DPYD: variants seen among roughly 807,000 people sequenced by gnomAD.
DPYD encodes dihydropyrimidine dehydrogenase [NADP(+)].
Under a neutral mutation model 116.2 loss-of-function variants are expected in DPYD, and 109 were observed. The ratio of observed to expected loss-of-function variants is 0.94; its 90% CI spans 0.80 to 1.10. The LOEUF is 1.10. DPYD is among the 50% of genes least tolerant of loss of function. The pLI, the probability that DPYD is intolerant of heterozygous loss-of-function variation, is 0.00. For missense variants in DPYD, 1,302 were observed against 1,254.5 expected (o/e 1.04, Z -0.57); for synonymous variants, 440 against 432.0 (o/e 1.02, Z -0.23).
intron 14 of DPYD, among the ~76,000 whole-genome samples, chr1:97,445,832 TCTC>T (rs1179343791): frequency 1.3e-5 from 2 of 151,922 alleles, no homozygotes; most frequent in Non-Finnish European, 2.9e-5. Context: ...TTCAAGCAGT[TCTC>T]CTGCCTCAGC....
chr1:97,446,424 G>C (rs1478925988), intron 14 of DPYD, among the ~76,000 whole-genome samples: 2 of 152,140 alleles, frequency 1.3e-5, no homozygotes, highest in African/African-American at 2.4e-5. Flanking sequence ...GCACCTTCAG[G>C]AGTGCTGATG....
chr1:97,459,493 TA>T, intron 13 of DPYD, among the ~76,000 whole-genome samples: 1 of 152,062 alleles, frequency 6.6e-6, no homozygotes, highest in South Asian at 2.1e-4. Context: ...TACATTGTAG[TA>T]TACAAGAAAG....
chr1:97,780,989 A>C (rs1666710340), intron 3 of DPYD, among the ~76,000 whole-genome samples: 1 of 152,224 alleles, frequency 6.6e-6, no homozygotes, highest in Non-Finnish European at 1.5e-5. Flanking sequence ...TTATTCTAGA[A>C]GCTTCATAAT....
chr1:97,595,203 G>A (rs1241121361), intron 8 of DPYD, 37 bp from the exon 9 acceptor site: 6 of 1,539,072 alleles, frequency 3.9e-6, no homozygotes, highest in Non-Finnish European at 4.5e-6. Flanking sequence ...ATTAGCAGGA[G>A]GAGGGGCTTT....
intron 11 of DPYD, among the ~76,000 whole-genome samples, chr1:97,558,906 G>T (rs1352628897): frequency 6.6e-6 from 1 of 152,124 alleles, no homozygotes; most frequent in East Asian, 1.9e-4. Context: ...TCCTCCAGGA[G>T]GTCAGTGTCC....
intron 13 of DPYD, among the ~76,000 whole-genome samples, chr1:97,489,954 T>C (rs1415091146): frequency 6.6e-6 from 1 of 152,144 alleles, no homozygotes; most frequent in Non-Finnish European, 1.5e-5. Context: ...CACTAGAGGC[T>C]AAGAAATGTA....
chr1:97,281,456 G>A (rs1665319074), intron 18 of DPYD, among the ~76,000 whole-genome samples: 1 of 151,784 alleles, frequency 6.6e-6, no homozygotes, highest in Non-Finnish European at 1.5e-5. Context: ...TCAAAGAGCA[G>A]ATAACAGATG....
chr1:97,390,969 G>A (rs577387262), intron 14 of DPYD, among the ~76,000 whole-genome samples: 7 of 151,042 alleles, frequency 4.6e-5, no homozygotes, highest in African/African-American at 1.7e-4. Flanking sequence ...ACTCTCTTCA[G>A]CATTTAAGAC....
intron 2 of DPYD, among the ~76,000 whole-genome samples, chr1:97,868,901 T>C (rs1400054108): frequency 1.3e-5 from 2 of 151,814 alleles, no homozygotes; most frequent in East Asian, 1.9e-4. Flanking sequence ...ATGATTTACA[T>C]AGTTTAAGCC....
At chr1:97,530,204 C>A (rs1045785081) in intron 12 of DPYD, among the ~76,000 whole-genome samples, 3 of 135,936 alleles carry the variant, frequency 2.2e-5, no homozygotes, top group East Asian at 2.2e-4. Flanking sequence ...ATCAGAATTT[C>A]TTTTTTTTTC....
chr1:97,126,501 C>G (rs1652849357), intron 20 of DPYD, among the ~76,000 whole-genome samples: 1 of 152,034 alleles, frequency 6.6e-6, no homozygotes, highest in Admixed American at 6.6e-5. Context: ...CATGCTGGGT[C>G]TCATATACCC....
intron 1 of DPYD, among the ~76,000 whole-genome samples, chr1:97,898,784 CAT>C (rs1673210382): frequency 6.6e-6 from 1 of 151,894 alleles, no homozygotes; most frequent in African/African-American, 2.4e-5. Context: ...GAATACGTCT[CAT>C]GAGATCTGAT....
intron 2 of DPYD, among the ~76,000 whole-genome samples, chr1:97,880,367 T>C (rs1428210992): frequency 2.6e-5 from 4 of 151,950 alleles, no homozygotes; most frequent in Non-Finnish European, 4.4e-5. Flanking sequence ...CTTGGGTCTT[T>C]ATGAATTGAA....
chr1:97,795,106 G>A (rs1257954194), intron 3 of DPYD, among the ~76,000 whole-genome samples: 2 of 151,958 alleles, frequency 1.3e-5, no homozygotes, highest in Admixed American at 6.6e-5. Flanking sequence ...CTTAACTAAT[G>A]GGATGAGCAC....
chr1:97,517,807 G>A (rs1377489125), intron 12 of DPYD, among the ~76,000 whole-genome samples: 1 of 152,078 alleles, frequency 6.6e-6, no homozygotes, highest in Non-Finnish European at 1.5e-5. Flanking sequence ...GCCTTTGATG[G>A]CAATAGCATA....
intron 16 of DPYD, among the ~76,000 whole-genome samples, chr1:97,318,428 A>G (rs1477625569): frequency 6.7e-6 from 1 of 149,346 alleles, no homozygotes; most frequent in Non-Finnish European, 1.5e-5. Flanking sequence ...AGGGGTTGCA[A>G]TCCTAGTCTC....
rs754491405 is a variant in DPYD at position 97,569,278 on chromosome 1, C to T, written c.1339+4482G>A. Among the ~76,000 whole-genome samples the T allele has an allele frequency of 2.6e-4, 40 of 151,544 alleles. 1 individual carries two copies. The highest frequency in any genetic ancestry group is 7.4e-5 in the Non-Finnish European group (5 of 67,842). The stretch of plus-strand genomic sequence containing the variant: ...AAGGAGAGATACACTATAAAACAAA[C>T]AATAAATCGATTAAACCTGACACTG... On this transcript the variant is annotated intron_variant, in intron 11 of 22. Coordinates refer to ENST00000370192, the MANE Select transcript of DPYD (RefSeq NM_000110.4).
intron 8 of DPYD, among the ~76,000 whole-genome samples, chr1:97,600,046 A>AAAAAAC (rs961442801): frequency 3.3e-5 from 5 of 152,050 alleles, no homozygotes; most frequent in East Asian, 1.9e-4. Context: ...CTCTGTCTCA[A>AAAAAAC]AAAAACAAAA....
chr1:97,756,209 C>A (rs771499537), intron 3 of DPYD, among the ~76,000 whole-genome samples: 1 of 152,046 alleles, frequency 6.6e-6, no homozygotes, highest in Non-Finnish European at 1.5e-5. Context: ...GTAAATATTA[C>A]GTGCATCTAT....
Sources: allele counts gnomAD v4.1 joint callset (sites outside exome capture counted in the v4.1 genomes callset), GRCh38; gene constraint gnomAD v4.1.1; transcripts MANE v1.5; gene names NCBI Gene and HGNC (gene_info 2026-07-23, HGNC 2026-07-21).